The following ME3 variants were observed in gnomAD, a reference collection of about 807,000 sequenced individuals.
The protein encoded by ME3 is malic enzyme 3.
In ME3, 48 loss-of-function variants were observed where a neutral mutation model predicts 68.9. That is an observed-to-expected ratio of 0.70 (90% CI 0.55 to 0.89). The LOEUF (loss-of-function observed/expected upper bound fraction) is 0.89, where lower values mean the gene tolerates loss of function less well. Among genes scored for constraint, ME3 ranks in the 40% least tolerant of loss-of-function variants. The pLI is 0.00. For missense variants in ME3, 675 were observed against 797.4 expected, an observed-to-expected ratio of 0.85 and a Z score of 1.85; for synonymous variants, 320 against 318.8, an observed-to-expected ratio of 1.00 and a Z score of -0.04.
At chr11:86,660,467 A>G (rs921256431) in intron 2 of ME3, among the ~76,000 whole-genome samples, 3 of 152,250 alleles carry the variant, frequency 2.0e-5, no homozygotes, top group African/African-American at 7.2e-5. Flanking sequence ...CTTGTCAAGT[A>G]GATATGTTTT....
At chr11:86,476,487 C>G (rs1951089482) in intron 7 of ME3, among the ~76,000 whole-genome samples, 1 of 152,188 alleles carries the variant, frequency 6.6e-6, no homozygotes, top group Non-Finnish European at 1.5e-5. Context: ...CTTGGGCAAG[C>G]TTCTGTTTCT....
chr11:86,469,120 A>G (rs911006828), intron 7 of ME3, among the ~76,000 whole-genome samples: 3 of 152,216 alleles, frequency 2.0e-5, no homozygotes, highest in Admixed American at 1.3e-4. Flanking sequence ...GGGAAAGATC[A>G]TAGGTATGGT....
intron 4 of ME3, among the ~76,000 whole-genome samples, chr11:86,533,329 A>C: frequency 6.6e-6 from 1 of 152,204 alleles, no homozygotes; most frequent in East Asian, 1.9e-4. Flanking sequence ...CTGATACTAC[A>C]GAAATACAAA....
intron 8 of ME3, among the ~76,000 whole-genome samples, chr11:86,460,330 A>G (rs561531793): frequency 6.6e-6 from 1 of 152,354 alleles, no homozygotes; most frequent in South Asian, 2.1e-4. Flanking sequence ...CTCGGGCTTC[A>G]GAGGCCCAGC....
At chr11:86,613,992 ACAGAGAGCCTGTATAGT>A (rs1942780522) in intron 2 of ME3, among the ~76,000 whole-genome samples, 1 of 152,226 alleles carries the variant, frequency 6.6e-6, no homozygotes, top group African/African-American at 2.4e-5. Flanking sequence ...TATGGAACCA[ACAGAGAGCCTGTATAGT>A]CAAGACAATC....
intron 5 of ME3, among the ~76,000 whole-genome samples, chr11:86,508,472 G>T (rs1290080560): frequency 6.6e-6 from 1 of 152,206 alleles, no homozygotes; most frequent in Non-Finnish European, 1.5e-5. Flanking sequence ...CTCGAGAAGA[G>T]GGTCTATGCC....
chr11:86,508,764 T>C, intron 5 of ME3, 28 bp downstream of exon 5: 1 of 1,576,632 alleles, frequency 6.3e-7, no homozygotes, highest in South Asian at 1.1e-5. Context: ...CCAACAATGA[T>C]TAAATAGCAA....
exon 1 of ME3, chr11:86,672,464 A>C: frequency 6.6e-6 from 1 of 152,588 alleles, no homozygotes; most frequent in Non-Finnish European, 1.5e-5. Context: ...GAGTTCCTCA[A>C]AGAGCGGTCC....
chr11:86,527,146 T>C (rs970063779), intron 4 of ME3, among the ~76,000 whole-genome samples: 2 of 152,114 alleles, frequency 1.3e-5, no homozygotes, highest in Admixed American at 1.3e-4. Context: ...CTTCCTAGAA[T>C]AACCAATGCA....
intron 7 of ME3, among the ~76,000 whole-genome samples, chr11:86,485,207 G>A (rs12224723): frequency 0.43 from 65,009 of 152,090 alleles, 14,254 homozygotes; most frequent in South Asian, 0.53. Context: ...TCTGAAAGAA[G>A]AGCTTTTAGA....
At chr11:86,498,062 C>T (rs1248755132) in exon 6 of ME3, 7 of 1,613,680 alleles carry the variant, frequency 4.3e-6, no homozygotes, top group Non-Finnish European at 4.2e-6. Flanking sequence ...CAGGGATGCC[C>T]ATGCCGTAGC....
intron 5 of ME3, among the ~76,000 whole-genome samples, chr11:86,504,715 G>A (rs1246565589): frequency 6.6e-6 from 1 of 151,714 alleles, no homozygotes; most frequent in African/African-American, 2.4e-5. Flanking sequence ...TCGTTTTTGA[G>A]ACAGAGTCTT....
intron 8 of ME3, among the ~76,000 whole-genome samples, chr11:86,463,665 C>G (rs951664738): frequency 1.3e-5 from 2 of 152,218 alleles, no homozygotes; most frequent in African/African-American, 2.4e-5. Context: ...ATATTTTAAA[C>G]TAAATTTTCT....
At chr11:86,650,382 C>G (rs1945320524) in intron 2 of ME3, among the ~76,000 whole-genome samples, 1 of 152,182 alleles carries the variant, frequency 6.6e-6, no homozygotes, top group African/African-American at 2.4e-5. Context: ...CAATACCATT[C>G]AGTACATACG....
chr11:86,559,841 A>G lies in ME3; in HGVS notation c.184-18T>C. 6.2e-7 allele frequency: 1 copy of G among 1,611,614 alleles called. No individual in the cohort carries two copies. Among genetic ancestry groups the G allele is most frequent in the Non-Finnish European group, 8.5e-7 (1 of 1,178,780 alleles). Reference sequence around the variant, plus strand: ...GCCATCCCCTGGGAAAAACAGGAAAAGAACACCCACACATAAGTGCATACT... The same window carrying G: ...GCCATCCCCTGGGAAAAACAGGAAAGGAACACCCACACATAAGTGCATACT... On this transcript the variant is annotated intron_variant, in intron 2 of 14. Transcript: ENST00000543262.
At chr11:86,611,572 C>G (rs1384898469) in intron 2 of ME3, among the ~76,000 whole-genome samples, 2 of 130,886 alleles carry the variant, frequency 1.5e-5, no homozygotes, top group Non-Finnish European at 3.1e-5. Flanking sequence ...TAAATATATA[C>G]AATTTCTATT....
chr11:86,457,415 G>A (rs765728558), intron 8 of ME3: 71 of 854,064 alleles, frequency 8.3e-5, no homozygotes, highest in Non-Finnish European at 9.9e-5. Flanking sequence ...TCAGTAATCA[G>A]TTCTCAGCCT....
intron 8 of ME3, among the ~76,000 whole-genome samples, chr11:86,462,343 A>G (rs376625985): frequency 3.2e-4 from 49 of 152,338 alleles, no homozygotes; most frequent in African/African-American, 1.2e-3. Context: ...ATACTAGTCT[A>G]TTTATGTGTT....
chr11:86,450,151 A>C, intron 9 of ME3, 149 bp from the exon 10 acceptor site: 1 of 971,120 alleles, frequency 1.0e-6, no homozygotes, highest in Non-Finnish European at 1.6e-6. Context: ...GAGACACCCA[A>C]TTGTCAGAGC....
Sources: allele counts gnomAD v4.1 joint callset (sites outside exome capture counted in the v4.1 genomes callset), GRCh38; gene constraint gnomAD v4.1.1; transcripts MANE v1.5; gene names NCBI Gene and HGNC (gene_info 2026-07-23, HGNC 2026-07-21).